DCC: variants seen among roughly 807,000 people sequenced by gnomAD.
DCC encodes netrin receptor DCC.
Under a neutral mutation model 172.5 loss-of-function variants are expected in DCC, and 58 were observed. That is an observed-to-expected ratio of 0.34 (90% CI 0.27 to 0.42). DCC has a LOEUF of 0.42. DCC is among the 10% of genes least tolerant of loss of function. The probability of loss-of-function intolerance (pLI) is 1.00; values close to 1 mark genes in which losing one functional copy is unlikely to be tolerated. For synonymous variants in DCC, 709 were observed against 644.5 expected, an observed-to-expected ratio of 1.10 and a Z score of -1.52; for missense variants, 1,740 against 1,791.0, an observed-to-expected ratio of 0.97 and a Z score of 0.51.
intron 1 of DCC, among the ~76,000 whole-genome samples, chr18:52,473,238 C>T (rs1988996911): frequency 6.6e-6 from 1 of 152,110 alleles, no homozygotes; most frequent in African/African-American, 2.4e-5. Context: ...AGCTCCCAGC[C>T]ATTCATTCAT....
At chr18:52,774,725 A>G (rs1311780904) in intron 2 of DCC, among the ~76,000 whole-genome samples, 1 of 151,540 alleles carries the variant, frequency 6.6e-6, no homozygotes, top group Non-Finnish European at 1.5e-5. Context: ...AGCCCCACTC[A>G]TGGCTGCTGG....
intron 5 of DCC, among the ~76,000 whole-genome samples, chr18:53,053,017 C>T (rs949615318): frequency 6.6e-5 from 10 of 152,024 alleles, no homozygotes; most frequent in African/African-American, 1.9e-4. Context: ...ATGGTGTGCA[C>T]CTGTAATCCC....
At chr18:52,431,895 C>T (rs1987637467) in intron 1 of DCC, among the ~76,000 whole-genome samples, 1 of 152,144 alleles carries the variant, frequency 6.6e-6, no homozygotes, top group South Asian at 2.1e-4. Context: ...ATCCATCTCG[C>T]CTGATGATCC....
intron 11 of DCC, among the ~76,000 whole-genome samples, chr18:53,208,536 T>A (rs377723410): frequency 1.9e-4 from 29 of 152,174 alleles, no homozygotes; most frequent in African/African-American, 6.7e-4. Context: ...TACCTCTTAA[T>A]TAGAAAATAT....
intron 5 of DCC, among the ~76,000 whole-genome samples, chr18:52,997,861 C>T (rs1167935032): frequency 6.6e-6 from 1 of 151,972 alleles, no homozygotes. Context: ...GCTTTCTCCC[C>T]CTTGTCACCT....
At chr18:53,489,009 A>T (rs1485459096) in intron 26 of DCC, among the ~76,000 whole-genome samples, 2 of 152,086 alleles carry the variant, frequency 1.3e-5, no homozygotes, top group Non-Finnish European at 2.9e-5. Context: ...ATACAAAAAA[A>T]ATTGCTGGGC....
At chr18:53,041,768 C>G (rs553094960) in intron 5 of DCC, among the ~76,000 whole-genome samples, 1 of 152,068 alleles carries the variant, frequency 6.6e-6, no homozygotes, top group East Asian at 1.9e-4. Context: ...ATTTTATTCT[C>G]TTTGTAGCAT....
At chr18:52,460,801 A>G (rs1988606569) in intron 1 of DCC, among the ~76,000 whole-genome samples, 1 of 152,212 alleles carries the variant, frequency 6.6e-6, no homozygotes. Flanking sequence ...CTAATGGAAG[A>G]TCTACATAGG....
intron 22 of DCC, among the ~76,000 whole-genome samples, chr18:53,449,819 T>A (rs2045385021): frequency 1.3e-5 from 2 of 152,146 alleles, no homozygotes; most frequent in Non-Finnish European, 1.5e-5. Context: ...TTCATAAGCT[T>A]GGGCTGCCAT....
intron 12 of DCC, among the ~76,000 whole-genome samples, chr18:53,233,813 T>C (rs561186324): frequency 2.6e-5 from 4 of 152,274 alleles, no homozygotes; most frequent in South Asian, 2.1e-4. Context: ...CTCTTTCTCA[T>C]CTCAAAATGT....
chr18:52,676,885 T>A (rs150213854), intron 1 of DCC, among the ~76,000 whole-genome samples: 1 of 152,216 alleles, frequency 6.6e-6, no homozygotes, highest in Admixed American at 6.5e-5. Flanking sequence ...TTGTCTTGAA[T>A]TGAAATCACT....
intron 7 of DCC, among the ~76,000 whole-genome samples, chr18:53,113,017 T>C: frequency 6.6e-6 from 1 of 151,524 alleles, no homozygotes; most frequent in East Asian, 1.9e-4. Flanking sequence ...ATAGAATCAA[T>C]AATATGCAGG....
At chr18:53,362,583 G>T (rs1190444213) in intron 15 of DCC, among the ~76,000 whole-genome samples, 3 of 152,174 alleles carry the variant, frequency 2.0e-5, no homozygotes, top group Admixed American at 6.6e-5. Flanking sequence ...GGTGGAGGAT[G>T]AAGTTATTTT....
At chr18:52,579,783 A>C (rs1362200348) in intron 1 of DCC, among the ~76,000 whole-genome samples, 1 of 152,230 alleles carries the variant, frequency 6.6e-6, no homozygotes, top group Non-Finnish European at 1.5e-5. Flanking sequence ...ATCTGGAAGC[A>C]ATTGAATTAA....
chr18:53,403,033 T>C (rs1909417715), intron 19 of DCC, 140 bp downstream of exon 19: 2 of 717,410 alleles, frequency 2.8e-6, no homozygotes, highest in Non-Finnish European at 5.1e-6. Context: ...TTTTTGATTG[T>C]TTCTTCTTTC....
intron 2 of DCC, among the ~76,000 whole-genome samples, chr18:52,883,474 C>G (rs1372326431): frequency 1.3e-5 from 2 of 150,768 alleles, no homozygotes; most frequent in Non-Finnish European, 3.0e-5. Flanking sequence ...TGTGTTTCCA[C>G]TGTATATTTT....
chr18:52,769,827 A>G (rs1426615229), intron 2 of DCC, among the ~76,000 whole-genome samples: 3 of 152,166 alleles, frequency 2.0e-5, no homozygotes, highest in Non-Finnish European at 4.4e-5. Flanking sequence ...TTTCAGCATC[A>G]ATTGTTGAAT....
chr18:53,200,822 G>A (rs1157633722), intron 9 of DCC, among the ~76,000 whole-genome samples: 10 of 152,058 alleles, frequency 6.6e-5, no homozygotes, highest in Non-Finnish European at 1.5e-4. Flanking sequence ...TTGCTAAGTA[G>A]CTCTCTCAGA....
chr18:52,563,507 A>G (rs2033086713), intron 1 of DCC, among the ~76,000 whole-genome samples: 1 of 152,150 alleles, frequency 6.6e-6, no homozygotes, highest in South Asian at 2.1e-4. Flanking sequence ...CATCTTCAGC[A>G]GGCACACATA....
Sources: allele counts gnomAD v4.1 joint callset (sites outside exome capture counted in the v4.1 genomes callset), GRCh38; gene constraint gnomAD v4.1.1; transcripts MANE v1.5; gene names NCBI Gene and HGNC (gene_info 2026-07-23, HGNC 2026-07-21).